The following RANBP2 variants were observed in gnomAD, a reference collection of about 807,000 sequenced individuals.
RANBP2 encodes RAN binding protein 2.
Under a neutral mutation model 303.6 loss-of-function variants are expected in RANBP2, and 57 were observed. The ratio of observed to expected loss-of-function variants is 0.19; its 90% CI spans 0.15 to 0.23. The LOEUF is 0.23. Among genes scored for constraint, RANBP2 ranks in the 10% least tolerant of loss-of-function variants. The pLI, the probability that RANBP2 is intolerant of heterozygous loss-of-function variation, is 1.00. For synonymous variants in RANBP2, 1,167 were observed against 1,301.5 expected (o/e 0.90, Z 2.23); for missense variants, 3,138 against 3,780.8 (o/e 0.83, Z 4.46).
the RANBP2 span, among the ~76,000 whole-genome samples, chr2:108,820,735 C>T: frequency 7.1e-6 from 1 of 141,486 alleles, no homozygotes. Context: ...AAACTGTTAA[C>T]CAAGAGTACT....
the RANBP2 span, among the ~76,000 whole-genome samples, chr2:109,043,980 G>A: frequency 1.3e-5 from 2 of 152,164 alleles, no homozygotes; most frequent in South Asian, 2.1e-4. Flanking sequence ...CCAGGCTGGC[G>A]TGGATGATGG....
At chr2:109,235,811 C>T in the RANBP2 span, among the ~76,000 whole-genome samples, 101 of 152,328 alleles carry the variant, frequency 6.6e-4, no homozygotes, top group African/African-American at 2.2e-3. Flanking sequence ...CACGTGCACT[C>T]GGCACCAGGG....
chr2:108,930,724 C>T, the RANBP2 span, among the ~76,000 whole-genome samples: 7 of 152,258 alleles, frequency 4.6e-5, no homozygotes, highest in Non-Finnish European at 8.8e-5. Context: ...CACAAACAAG[C>T]AATCAAGAAC....
chr2:108,876,122 C>T, the RANBP2 span: 1 of 1,603,938 alleles, frequency 6.2e-7, no homozygotes, highest in Non-Finnish European at 8.5e-7. Context: ...TTTTACGATT[C>T]ATCTGATGCT....
the RANBP2 span, among the ~76,000 whole-genome samples, chr2:109,073,989 C>G: frequency 6.6e-6 from 1 of 150,436 alleles, no homozygotes; most frequent in Admixed American, 6.6e-5. Flanking sequence ...CAAAAACAGG[C>G]AAACAAAACC....
chr2:109,437,574 C>T, the RANBP2 span, among the ~76,000 whole-genome samples: 8 of 152,332 alleles, frequency 5.3e-5, no homozygotes, highest in East Asian at 1.9e-4. Flanking sequence ...TTCCATCTGC[C>T]GGGCCCTGCA....
chr2:109,009,979 G>A, the RANBP2 span, among the ~76,000 whole-genome samples: 4 of 151,966 alleles, frequency 2.6e-5, no homozygotes, highest in Non-Finnish European at 4.4e-5. Context: ...GATAGTCCTT[G>A]GAAACATAAT....
chr2:109,614,820 G>A, the RANBP2 span: 9 of 1,438,870 alleles, frequency 6.3e-6, no homozygotes, highest in South Asian at 2.7e-5. Flanking sequence ...CGGCCCTGCC[G>A]GGCCCGAGGC....
chr2:108,846,041 G>T, the RANBP2 span, among the ~76,000 whole-genome samples: 1 of 151,802 alleles, frequency 6.6e-6, no homozygotes. Context: ...AAAAGTTTTT[G>T]GAGTCACTAT....
At chr2:109,644,120 C>G in the RANBP2 span, among the ~76,000 whole-genome samples, 9 of 97,080 alleles carry the variant, frequency 9.3e-5, no homozygotes, top group Non-Finnish European at 1.9e-4. Flanking sequence ...GACTCTGTCT[C>G]AAAAAAAAAA....
chr2:109,348,776 C>G, the RANBP2 span, among the ~76,000 whole-genome samples: 1 of 152,122 alleles, frequency 6.6e-6, no homozygotes, highest in East Asian at 1.9e-4. Flanking sequence ...TCTTCATCTC[C>G]TGTCTCTTGT....
chr2:109,070,106 A>G, the RANBP2 span, among the ~76,000 whole-genome samples: 7 of 152,174 alleles, frequency 4.6e-5, no homozygotes, highest in Non-Finnish European at 1.5e-5. Context: ...CAGAGAGACT[A>G]TACGTTCAAA....
the RANBP2 span, among the ~76,000 whole-genome samples, chr2:109,566,322 T>C: frequency 9.2e-5 from 14 of 151,976 alleles, no homozygotes; most frequent in Admixed American, 3.9e-4. Flanking sequence ...CGTTTCACCA[T>C]GTTGGCCAGG....
the RANBP2 span, among the ~76,000 whole-genome samples, chr2:109,341,520 A>T: frequency 6.6e-6 from 1 of 152,198 alleles, no homozygotes; most frequent in South Asian, 2.1e-4. Flanking sequence ...TTGTAAATAC[A>T]CCTGAGACTT....
chr2:109,451,821 G>T, the RANBP2 span, among the ~76,000 whole-genome samples: 5 of 152,350 alleles, frequency 3.3e-5, no homozygotes, highest in East Asian at 7.7e-4. Flanking sequence ...TCCCCTGATA[G>T]CTCCCGAGCC....
At chr2:109,642,356 CT>C in the RANBP2 span, among the ~76,000 whole-genome samples, 1 of 152,228 alleles carries the variant, frequency 6.6e-6, no homozygotes, top group Non-Finnish European at 1.5e-5. Context: ...ACCACTTACT[CT>C]GGACTGTAGT....
At chr2:109,705,719 G>A in the RANBP2 span, among the ~76,000 whole-genome samples, 1 of 152,226 alleles carries the variant, frequency 6.6e-6, no homozygotes, top group Admixed American at 6.5e-5. Flanking sequence ...CTGGTTCAGT[G>A]CAGTGAACTC....
the RANBP2 span, chr2:109,251,367 G>T: frequency 3.2e-6 from 2 of 629,612 alleles, no homozygotes; most frequent in East Asian, 3.3e-5. Context: ...GCGGGAGCAT[G>T]AGGGAGTCTG....
chr2:108,726,356 G>A (rs1048226787), intron 1 of RANBP2, among the ~76,000 whole-genome samples: 16 of 151,952 alleles, frequency 1.1e-4, no homozygotes, highest in African/African-American at 3.9e-4. Flanking sequence ...GCACCAAAGA[G>A]CAAGAGTAGC....
Sources: allele counts gnomAD v4.1 joint callset (sites outside exome capture counted in the v4.1 genomes callset), GRCh38; gene constraint gnomAD v4.1.1; transcripts MANE v1.5; gene names NCBI Gene and HGNC (gene_info 2026-07-23, HGNC 2026-07-21).